The following MTCL1 variants were observed in gnomAD, a reference collection of about 807,000 sequenced individuals.
MTCL1 encodes the protein microtubule crosslinking factor 1, also known as microtubule cross-linking factor 1.
In MTCL1, 79 loss-of-function variants were observed where a neutral mutation model predicts 141.4. That is an observed-to-expected ratio of 0.56 (90% CI 0.47 to 0.67). The LOEUF (loss-of-function observed/expected upper bound fraction) is 0.67. Among genes scored for constraint, MTCL1 ranks in the 30% least tolerant of loss-of-function variants. The pLI, the probability that MTCL1 is intolerant of heterozygous loss-of-function variation, is 0.00. For synonymous variants in MTCL1, 914 were observed against 875.8 expected (o/e 1.04, Z -0.77); for missense variants, 2,177 against 2,113.9 (o/e 1.03, Z -0.59).
chr18:8,831,487 G>A (rs558431321), intron 16 of MTCL1, 120 bp from the exon 15 acceptor site: 105 of 1,448,534 alleles, frequency 7.2e-5, no homozygotes, highest in African/African-American at 1.1e-4. Flanking sequence ...TAATATTCAC[G>A]AGTTGCCTGT....
At chr18:8,762,563 G>A (rs2096437843) in intron 4 of MTCL1, among the ~76,000 whole-genome samples, 2 of 152,264 alleles carry the variant, frequency 1.3e-5, no homozygotes, top group Admixed American at 1.3e-4. Context: ...AAAAGATGCT[G>A]TCCCACAGAA....
chr18:8,739,921 T>C (rs1458990546), intron 4 of MTCL1, among the ~76,000 whole-genome samples: 2 of 152,088 alleles, frequency 1.3e-5, no homozygotes, highest in Admixed American at 6.6e-5. Context: ...TTAGTAGAGG[T>C]GGGGTTTCAC....
At chr18:8,784,314 G>T in exon 6 of MTCL1, 1 of 1,565,956 alleles carries the variant, frequency 6.4e-7, no homozygotes. Context: ...GGGGAGGAGA[G>T]CCGCCTGCCC....
At chr18:8,783,898 A>C (rs747859273) in exon 6 of MTCL1, 1 of 1,613,260 alleles carries the variant, frequency 6.2e-7, no homozygotes, top group Non-Finnish European at 8.5e-7. Context: ...TTCCTACCTC[A>C]CCCTTCGGTG....
At chr18:8,815,275 T>G (rs2076614295) in intron 12 of MTCL1, among the ~76,000 whole-genome samples, 1 of 151,610 alleles carries the variant, frequency 6.6e-6, no homozygotes, top group South Asian at 2.1e-4. Context: ...ATATACACCA[T>G]GGAATACTAT....
chr18:8,705,585 A>ACGG, upstream of MTCL1: 1 of 1,137,516 alleles, frequency 8.8e-7, no homozygotes, highest in Non-Finnish European at 1.1e-6. This position sits in a 1 kb window ranked among gnomAD's most constrained non-coding sequence, Gnocchi z 5.2. Context: ...GGGAGGCTGC[A>ACGG]CGCCGCCGCC....
chr18:8,772,579 A>G (rs1271812219), intron 4 of MTCL1, among the ~76,000 whole-genome samples: 1 of 150,888 alleles, frequency 6.6e-6, no homozygotes, highest in African/African-American at 2.4e-5. Context: ...TTATATGTAT[A>G]TATGTTATAT....
intron 12 of MTCL1, among the ~76,000 whole-genome samples, chr18:8,814,257 A>C (rs2076579730): frequency 6.6e-6 from 1 of 152,224 alleles, no homozygotes; most frequent in Non-Finnish European, 1.5e-5. Flanking sequence ...TTGGCTTGGA[A>C]ACCACTAAGA....
chr18:8,826,523 C>T (rs2077033068), intron 15 of MTCL1, among the ~76,000 whole-genome samples: 1 of 152,166 alleles, frequency 6.6e-6, no homozygotes, highest in African/African-American at 2.4e-5. Context: ...TTTATCAGGG[C>T]ATTTTATTTG....
chr18:8,780,090 C>G (rs1353319119), intron 5 of MTCL1, among the ~76,000 whole-genome samples: 1 of 152,148 alleles, frequency 6.6e-6, no homozygotes, highest in Non-Finnish European at 1.5e-5. Context: ...GTTTCAGGAC[C>G]CTTCAGAGAT....
chr18:8,810,770 G>GT lies in MTCL1; in HGVS notation c.2605-2205dup, dbSNP rs2076456770. 6.6e-6 allele frequency among the ~76,000 whole-genome samples: 1 copy of GT among 152,114 alleles called. No homozygotes were observed. Among genetic ancestry groups the GT allele is most frequent in the South Asian group, 2.1e-4 (1 of 4,826 alleles). On this transcript the variant is annotated intron_variant, in intron 11 of 16. Transcript: ENST00000359865. This position sits in a 1 kb window ranked among gnomAD's most constrained non-coding sequence, Gnocchi z 5.0. ...TCTGCATTCTTTCTACTTAGAAAAA[G>GT]TTTTATTTTCCCCAGATTTACATTT...
chr18:8,802,538 C>T (rs977160491), intron 10 of MTCL1, among the ~76,000 whole-genome samples: 2 of 152,166 alleles, frequency 1.3e-5, no homozygotes, highest in African/African-American at 4.8e-5. Context: ...GATACGTTAC[C>T]TTATCTACAA....
At chr18:8,791,416 C>CA (rs963774071) in intron 7 of MTCL1, among the ~76,000 whole-genome samples, 112 of 150,284 alleles carry the variant, frequency 7.5e-4, no homozygotes, top group African/African-American at 2.5e-3. Flanking sequence ...TCTGGAGGCA[C>CA]ATCCTCCACC....
At chr18:8,705,609 C>CCGCCGCCGCCGCCGCCGCCGCCGT (rs1387679120), upstream of MTCL1, 1 of 1,191,254 alleles carries the variant, frequency 8.4e-7, no homozygotes, top group Non-Finnish European at 1.0e-6. This position sits in a 1 kb window ranked among gnomAD's most constrained non-coding sequence, Gnocchi z 5.2. Flanking sequence ...GCCGCCGCCG[C>CCGCCGCCGCCGCCGCCGCCGCCGT]CGTCGTCGTC....
At chr18:8,713,981 G>A (rs1431091800), upstream of MTCL1, among the ~76,000 whole-genome samples, 3 of 152,130 alleles carry the variant, frequency 2.0e-5, no homozygotes, top group Non-Finnish European at 4.4e-5. Context: ...TATCTTTACC[G>A]CACGTTGCAG....
chr18:8,793,041 A>G (rs776607850), exon 8 of MTCL1: 1 of 1,614,158 alleles, frequency 6.2e-7, no homozygotes, highest in Non-Finnish European at 8.5e-7. Context: ...GTATCCATAG[A>G]GGAGCTACAG....
chr18:8,719,008 T>G (rs573788181), intron 3 of MTCL1, among the ~76,000 whole-genome samples: 185 of 152,082 alleles, frequency 1.2e-3, no homozygotes, highest in Non-Finnish European at 2.1e-3. Flanking sequence ...CTCTTAAAAG[T>G]TGATCATATC....
intron 16 of MTCL1, chr18:8,831,010 G>A (rs2077176047): frequency 1.0e-6 from 1 of 985,830 alleles, no homozygotes; most frequent in African/African-American, 1.7e-5. Context: ...AAGAAAACCA[G>A]ACCCAAATTA....
chr18:8,729,057 G>A (rs1467827909), intron 4 of MTCL1, among the ~76,000 whole-genome samples: 1 of 149,060 alleles, frequency 6.7e-6, no homozygotes, highest in Non-Finnish European at 1.5e-5. Context: ...TTATTGTACT[G>A]TTTTTTGAGA....
Sources: allele counts gnomAD v4.1 joint callset (sites outside exome capture counted in the v4.1 genomes callset), GRCh38; gene constraint gnomAD v4.1.1; non-coding constraint Gnocchi (gnomAD v3.1); transcripts MANE v1.5; gene names NCBI Gene and HGNC (gene_info 2026-07-23, HGNC 2026-07-21).